The following WASHC5 variants were observed in gnomAD, a reference collection of about 807,000 sequenced individuals.
WASHC5 encodes the protein WASH complex subunit 5, also known as WASH complex subunit strumpellin.
Under a neutral mutation model 150.4 loss-of-function variants are expected in WASHC5, and 101 were observed. The ratio of observed to expected loss-of-function variants is 0.67; its 90% confidence interval spans 0.57 to 0.79. The LOEUF is 0.79. Ranked by LOEUF, WASHC5 falls within the 30% of genes least tolerant of loss-of-function variation. The pLI is 0.00. For missense variants in WASHC5, 1,195 were observed against 1,396.3 expected, an observed-to-expected ratio of 0.86 and a Z score of 2.30; for synonymous variants, 467 against 491.2, an observed-to-expected ratio of 0.95 and a Z score of 0.65.
intron 28 of WASHC5, among the ~76,000 whole-genome samples, chr8:125,027,789 CAATT>C (rs759511554): frequency 5.9e-5 from 9 of 152,134 alleles, no homozygotes; most frequent in African/African-American, 9.7e-5. Context: ...AAAAGGAAGA[CAATT>C]AATCTCAAAT....
At chr8:125,070,844 G>T (rs1816876812) in intron 9 of WASHC5, among the ~76,000 whole-genome samples, 1 of 152,224 alleles carries the variant, frequency 6.6e-6, no homozygotes, top group African/African-American at 2.4e-5. Context: ...TGGAGAGAAG[G>T]CTGAGGGGAA....
At chr8:125,042,480 T>C (rs1392020516) in intron 23 of WASHC5, among the ~76,000 whole-genome samples, 1 of 152,112 alleles carries the variant, frequency 6.6e-6, no homozygotes, top group Admixed American at 6.5e-5. Flanking sequence ...AAGACAAATT[T>C]GTCCTTTGGG....
intron 20 of WASHC5, 124 bp downstream of exon 20, chr8:125,047,083 G>T: frequency 8.3e-7 from 1 of 1,203,446 alleles, no homozygotes; most frequent in Non-Finnish European, 1.2e-6. Context: ...GCCCTAAAGG[G>T]TCAGAATATG....
chr8:125,073,822 T>C (rs1456144773), intron 8 of WASHC5, among the ~76,000 whole-genome samples: 2 of 152,228 alleles, frequency 1.3e-5, no homozygotes, highest in South Asian at 2.1e-4. Flanking sequence ...CCCCTGTGTA[T>C]TGGTTTCTTC....
At chr8:125,057,535 T>C (rs574566498) in intron 15 of WASHC5, 21 bp downstream of exon 15, 1 of 1,459,670 alleles carries the variant, frequency 6.9e-7, no homozygotes, top group Non-Finnish European at 9.6e-7. Flanking sequence ...AGAGTAAATA[T>C]CACCCTGATG....
chr8:125,054,945 ATTT>A (rs34923893), intron 17 of WASHC5, among the ~76,000 whole-genome samples: 3 of 146,386 alleles, frequency 2.0e-5, no homozygotes, highest in South Asian at 2.2e-4. Context: ...AGGAAATTGA[ATTT>A]TTTTTTTTTT....
intron 8 of WASHC5, among the ~76,000 whole-genome samples, chr8:125,074,385 G>A (rs1225625719): frequency 6.6e-6 from 1 of 152,114 alleles, no homozygotes; most frequent in Non-Finnish European, 1.5e-5. Context: ...ATCCACACAG[G>A]AAACTCAGTA....
Position 125,024,548 on chromosome 8 carries a change from C to T in WASHC5, c.*69G>A, listed in dbSNP as rs1441116244. On this transcript the variant is annotated 3_prime_UTR_variant, in exon 29 of 29. Transcript: ENST00000318410. ...TATGAGCAACTGAGTTTCTTTTCAT[C>T]TTCAAATTCATTTGTGATGGTGGGA... The T allele has an allele frequency of 4.1e-6, 5 of 1,225,638 alleles. No homozygotes were observed. The highest frequency in any genetic ancestry group is 6.0e-6 in the Non-Finnish European group (5 of 826,892). 75.9% of individuals were successfully genotyped at this position (1,225,638 alleles called of 1,614,324 possible).
intron 23 of WASHC5, 29 bp from the exon 24 acceptor site, chr8:125,039,927 A>G: frequency 7.0e-7 from 1 of 1,438,552 alleles, no homozygotes; most frequent in Non-Finnish European, 9.8e-7. Context: ...AAGAACAGGT[A>G]GTGCATTCAA....
intron 9 of WASHC5, among the ~76,000 whole-genome samples, chr8:125,072,000 C>T (rs1435252739): frequency 6.6e-6 from 1 of 152,124 alleles, no homozygotes; most frequent in Non-Finnish European, 1.5e-5. Flanking sequence ...ACAATGCTAT[C>T]TCTCTGGTTC....
chr8:125,052,815 G>T (rs915649006), intron 17 of WASHC5, among the ~76,000 whole-genome samples: 1 of 152,108 alleles, frequency 6.6e-6, no homozygotes, highest in Admixed American at 6.5e-5. Context: ...CTTGACTTAA[G>T]ATGGGGTTAC....
In WASHC5 at chr8:125,057,465, G is replaced by A. The variant is rs911509735; in HGVS notation, c.1875+91C>T. The A allele has an allele frequency of 9.4e-6, 8 of 846,966 alleles. No homozygotes were observed. The African/African-American group carries it at 1.0e-4, about 11-fold the overall frequency. 52.5% of individuals were successfully genotyped at this position (846,966 alleles called of 1,614,324 possible). ...AAATTTTTAAAAGGGAAAGAGACACGGATATACTTTTGGGGGGCCTAAGCA... is the reference window on the plus strand; with the variant it reads ...AAATTTTTAAAAGGGAAAGAGACACAGATATACTTTTGGGGGGCCTAAGCA... On this transcript the variant is annotated intron_variant, in intron 15 of 28. Coordinates refer to ENST00000318410, the MANE Select transcript of WASHC5 (RefSeq NM_014846.4).
chr8:125,085,532 A>C (rs9792114), intron 1 of WASHC5, among the ~76,000 whole-genome samples: 4,268 of 152,328 alleles, frequency 0.028, 127 homozygotes, highest in South Asian at 0.16. Context: ...AAGGGAAAAA[A>C]AGATGTCACT....
rs201016603 is a variant in WASHC5, at chr8:125,043,389, T to C, written c.2850+436A>G. Among the ~76,000 whole-genome samples the C allele has an allele frequency of 1.1e-4, 16 of 152,332 alleles. No individual in the cohort carries two copies. In the East Asian group the frequency reaches 3.1e-3, roughly 29 times the overall value. On this transcript the variant is annotated intron_variant, in intron 23 of 28. Transcript: ENST00000318410. ...CTTTCTGCAGAGTATAAGGATAATT[T>C]ATGCCCCAAAGAACCTGGCTTCCTA...
At position 125,073,174 on chromosome 8, in the gene WASHC5, T is replaced by C; in HGVS notation, c.1129A>G (p.Met377Val). 6.2e-7 allele frequency: 1 copy of C among 1,614,164 alleles called. No individual in the cohort carries two copies. Among genetic ancestry groups the C allele is most frequent in the African/African-American group, 1.3e-5 (1 of 75,060 alleles). ...TTACCTGAGTCTGCTGTATGAAGCA[T>C]CAGCCATCGGATGGCAACATTGCAG... is the stretch of plus-strand genomic sequence containing the variant. ...RDCNVAIRWL[M>V]LHTADSACDP... The change falls in exon 9 of 29, where the codon ATG becomes GTG. Residue 377 changes from methionine (M) to valine (V), a missense_variant. Around this residue, in one of 3 missense-constraint regions of WASHC5, gnomAD observed 997 missense variants for 1,168.1 expected, o/e 0.85. Transcript: ENST00000318410.
intron 23 of WASHC5, among the ~76,000 whole-genome samples, chr8:125,042,086 A>C (rs557439090): frequency 6.6e-6 from 1 of 152,246 alleles, no homozygotes; most frequent in East Asian, 1.9e-4. Flanking sequence ...TGTTAGTGAC[A>C]TTTTCTATTT....
At chr8:125,056,105 A>C (rs1268412354) in intron 16 of WASHC5, among the ~76,000 whole-genome samples, 4 of 152,240 alleles carry the variant, frequency 2.6e-5, no homozygotes, top group Non-Finnish European at 5.9e-5. Flanking sequence ...CAAGCTTGAT[A>C]ATCTAAGTCC....
At chr8:125,071,867 CCTT>C (rs1486289290) in intron 9 of WASHC5, among the ~76,000 whole-genome samples, 3 of 152,150 alleles carry the variant, frequency 2.0e-5, no homozygotes, top group Non-Finnish European at 4.4e-5. Context: ...GCGCTGGGCT[CCTT>C]CTGGACATTC....
chr8:125,068,683 A>G (rs752521324), intron 9 of WASHC5, among the ~76,000 whole-genome samples: 1 of 152,184 alleles, frequency 6.6e-6, no homozygotes, highest in Non-Finnish European at 1.5e-5. Context: ...GGGACCCCCA[A>G]ACAAGAAGCA....
Sources: gnomAD v4.1 joint callset for allele counts (sites outside exome capture counted in the v4.1 genomes callset) on GRCh38, gnomAD v4.1.1 for gene constraint, gnomAD v4.1.1 regional missense constraint, MANE v1.5 for transcripts, NCBI Gene and HGNC (gene_info 2026-07-23, HGNC 2026-07-21) for gene names.